The following TRIM33 variants were observed in gnomAD, a reference collection of about 807,000 sequenced individuals.
TRIM33 encodes the protein E3 ubiquitin-protein ligase TRIM33.
A neutral mutation model predicts 125.4 loss-of-function variants in TRIM33; 20 were observed. The observed-to-expected ratio is 0.16, with a 90% CI of 0.11 to 0.23. TRIM33 has a LOEUF of 0.23. TRIM33 is among the 10% of genes least tolerant of loss of function. TRIM33 has a pLI of 1.00. For synonymous variants in TRIM33, 564 were observed against 513.9 expected (o/e 1.10, Z -1.32); for missense variants, 920 against 1,411.4 (o/e 0.65, Z 5.58).
intron 1 of TRIM33, among the ~76,000 whole-genome samples, chr1:114,509,768 G>GC (rs1653227091): frequency 6.6e-6 from 1 of 152,142 alleles, no homozygotes; most frequent in Non-Finnish European, 1.5e-5. Flanking sequence ...CTCCACTGCT[G>GC]CAAGTTATAT....
intron 1 of TRIM33, among the ~76,000 whole-genome samples, chr1:114,465,519 C>T (rs552673391): frequency 1.3e-5 from 2 of 152,262 alleles, no homozygotes. Flanking sequence ...AAACTTATCA[C>T]TCTAAAAGAA....
chr1:114,461,061 C>G (rs552049707), intron 4 of TRIM33, among the ~76,000 whole-genome samples: 1 of 151,646 alleles, frequency 6.6e-6, no homozygotes, highest in East Asian at 1.9e-4. Flanking sequence ...TACCAGAGGC[C>G]GGGGCCAAGC....
intron 1 of TRIM33, among the ~76,000 whole-genome samples, chr1:114,504,301 G>A (rs149934279): frequency 7.6e-4 from 115 of 152,126 alleles, no homozygotes; most frequent in African/African-American, 2.7e-3. Flanking sequence ...GAGTAGCTGC[G>A]ACTACAGACA....
At chr1:114,445,569 A>G (rs1178420572) in intron 4 of TRIM33, among the ~76,000 whole-genome samples, 7 of 152,142 alleles carry the variant, frequency 4.6e-5, no homozygotes, top group African/African-American at 1.7e-4. Flanking sequence ...AATAATGGCC[A>G]ATTTCCCAAA....
intron 5 of TRIM33, among the ~76,000 whole-genome samples, chr1:114,431,662 GT>G (rs2101188414): frequency 6.6e-6 from 1 of 152,262 alleles, no homozygotes; most frequent in South Asian, 2.1e-4. Flanking sequence ...TTCTACTTCT[GT>G]AAAAACTATA....
chr1:114,419,314 G>A (rs960686988), intron 11 of TRIM33, among the ~76,000 whole-genome samples: 4 of 151,924 alleles, frequency 2.6e-5, no homozygotes, highest in Admixed American at 1.3e-4. Context: ...CACCTCCTGC[G>A]TGGCGTGAGT....
Position 114,403,021 on chromosome 1 carries a change from C to T in TRIM33, c.2769-138G>A, listed in dbSNP as rs528192855. ...GGGAGGTTTTATAGTTGTGAAATCT[C>T]GTCAGGTGAAGTCATGTGATTAAAA... On this transcript the variant is annotated intron_variant, in intron 15 of 19. Coordinates refer to ENST00000358465, the MANE Select transcript of TRIM33 (RefSeq NM_015906.4). 29 of 833,926 alleles carry T rather than the reference C, an allele frequency of 3.5e-5. No homozygotes were observed. In the East Asian group the frequency reaches 3.7e-4, roughly 11 times the overall value. The allele number at this position is 833,926 out of a possible 1,614,324, so 51.7% of individuals were successfully genotyped here. A position where few individuals can be genotyped will look rare whatever the true frequency, so the allele number is the denominator to read the frequency against.
chr1:114,498,690 G>A (rs2101561386), intron 1 of TRIM33, among the ~76,000 whole-genome samples: 1 of 152,162 alleles, frequency 6.6e-6, no homozygotes, highest in Non-Finnish European at 1.5e-5. Context: ...TAGAGACAAG[G>A]ACAAGAAGAT....
chr1:114,404,005 T>TA (rs1652071877), intron 15 of TRIM33, among the ~76,000 whole-genome samples: 1 of 152,118 alleles, frequency 6.6e-6, no homozygotes, highest in Non-Finnish European at 1.5e-5. Flanking sequence ...ACTTTGTTTT[T>TA]ATCAGGATTT....
chr1:114,434,830 AG>A (rs1271038200), intron 4 of TRIM33, among the ~76,000 whole-genome samples: 1 of 152,248 alleles, frequency 6.6e-6, no homozygotes, highest in East Asian at 1.9e-4. Flanking sequence ...CTCAATACCA[AG>A]AAAAGCACAG....
At position 114,397,589 on chromosome 1, in the gene TRIM33, G is replaced by GTTTT. The variant is rs66490349; in HGVS notation, c.*55_*58dup. On this transcript the variant is annotated 3_prime_UTR_variant, in exon 20 of 20. Transcript: ENST00000358465. ...CTTAAAAGTTTTCTGGGTTTTTTGT[G>GTTTT]TTTTTTTTTTTTTTTTCGTTTTTTT... 4.0e-4 allele frequency: 254 copies of GTTTT among 640,516 alleles called. 3 individuals carry two copies. Among genetic ancestry groups the GTTTT allele is most frequent in the Middle Eastern group, 1.1e-3 (2 of 1,832 alleles). The allele number at this position is 640,516 out of a possible 1,614,324, so 39.7% of individuals were successfully genotyped here.
At chr1:114,497,326 C>T (rs866203053) in intron 1 of TRIM33, among the ~76,000 whole-genome samples, 1 of 152,050 alleles carries the variant, frequency 6.6e-6, no homozygotes, top group African/African-American at 2.4e-5. Context: ...ATGGAGTTTT[C>T]GCTCTTATTG....
intron 1 of TRIM33, chr1:114,468,790 T>C: frequency 2.7e-6 from 1 of 367,594 alleles, no homozygotes; most frequent in African/African-American, 2.1e-5. Flanking sequence ...AGTATCTCAT[T>C]CAATAATCAT....
chr1:114,425,446 T>C lies in TRIM33; in HGVS notation c.1695+3A>G, dbSNP rs781409302. The C allele has an allele frequency of 6.2e-7, 1 of 1,613,604 alleles. No individual in the cohort carries two copies. Among genetic ancestry groups the C allele is most frequent in the Non-Finnish European group, 8.5e-7 (1 of 1,179,714 alleles). On this transcript the variant is annotated splice_donor_region_variant and intron_variant, in intron 9 of 19. Transcript: ENST00000358465. The stretch of plus-strand genomic sequence containing the variant: ...ATCAATAATGTAGTAACACGATACT[T>C]ACCTGTTGTTGTAACATCTGAGGGG...
chr1:114,463,599 A>C, intron 2 of TRIM33, 43 bp from the exon 3 acceptor site: 1 of 1,248,112 alleles, frequency 8.0e-7, no homozygotes, highest in Non-Finnish European at 1.1e-6. Context: ...AATACATAAA[A>C]TCTAGATCTA....
intron 1 of TRIM33, among the ~76,000 whole-genome samples, chr1:114,496,740 CCT>C (rs1652389958): frequency 6.6e-6 from 1 of 151,948 alleles, no homozygotes; most frequent in Admixed American, 6.6e-5. Flanking sequence ...AAGAGCTATC[CCT>C]GTTTGGCTAA....
intron 11 of TRIM33, among the ~76,000 whole-genome samples, chr1:114,420,926 T>C (rs1557854245): frequency 2.6e-5 from 4 of 152,200 alleles, no homozygotes; most frequent in African/African-American, 7.2e-5. Context: ...TGCACTCCCA[T>C]GTTCATTTCA....
chr1:114,482,360 G>A (rs1005360121), intron 1 of TRIM33, among the ~76,000 whole-genome samples: 7 of 152,040 alleles, frequency 4.6e-5, no homozygotes, highest in Non-Finnish European at 8.8e-5. Flanking sequence ...TACATAGGAC[G>A]AAATAAAGAT....
At chr1:114,458,045 G>C (rs1289051801) in intron 4 of TRIM33, among the ~76,000 whole-genome samples, 1 of 152,244 alleles carries the variant, frequency 6.6e-6, no homozygotes, top group Non-Finnish European at 1.5e-5. Context: ...AACCTCACAA[G>C]CTGTCTTTGC....
Sources: gnomAD v4.1 joint callset for allele counts (sites outside exome capture counted in the v4.1 genomes callset) on GRCh38, gnomAD v4.1.1 for gene constraint, MANE v1.5 for transcripts, NCBI Gene and HGNC (gene_info 2026-07-23, HGNC 2026-07-21) for gene names.